The following BGLAP variants were observed in gnomAD, a reference collection of about 807,000 sequenced individuals.
BGLAP encodes the protein bone gamma-carboxyglutamate protein.
A neutral mutation model predicts 13.7 loss-of-function variants in BGLAP; 15 were observed. The ratio of observed to expected loss-of-function variants is 1.09; its 90% CI spans 0.73 to 1.68. The LOEUF is 1.68. Among genes scored for constraint, BGLAP ranks in the 40% most tolerant of loss-of-function variants. The probability of loss-of-function intolerance (pLI) is 0.00; values close to 1 mark genes in which losing one functional copy is unlikely to be tolerated. For missense variants in BGLAP, 120 were observed against 134.3 expected (o/e 0.89, Z 0.53); for synonymous variants, 67 against 56.2 (o/e 1.19, Z -0.86).
Position 156,242,298 on chromosome 1 carries a change from G to A in BGLAP, c.64+3G>A. 1.2e-6 allele frequency: 2 copies of A among 1,612,544 alleles called. No homozygotes were observed. The highest frequency in any genetic ancestry group is 1.7e-6 in the Non-Finnish European group (2 of 1,179,652). On this transcript the variant is annotated splice_donor_region_variant and intron_variant, in intron 1 of 3. Transcript: ENST00000368272. ...ACTTTGCATCGCTGGCCAGGCAGGT[G>A]AGTGCCCCCACCTCCCCTCAGGCCG...
At chr1:156,242,383 C>T in intron 1 of BGLAP, 88 bp downstream of exon 1, 1 of 1,552,414 alleles carries the variant, frequency 6.4e-7, no homozygotes, top group East Asian at 2.4e-5. Context: ...ACCCCTTTGG[C>T]TGGCAGTCCC....
Position 156,242,566 on chromosome 1 carries a change from C to A in BGLAP, c.78C>A (p.Ser26Arg), listed in dbSNP as rs1251034119. 6.4e-7 allele frequency: 1 copy of A among 1,552,878 alleles called. No homozygotes were observed. Reference sequence around the variant, plus strand: ...TTTCCTTTGCAGGTGCGAAGCCCAGCGGTGCAGAGTCCAGCAAAGGTGCAG... The same window carrying A: ...TTTCCTTTGCAGGTGCGAAGCCCAGAGGTGCAGAGTCCAGCAAAGGTGCAG... ...CIAGQAGAKP[S>R]GAESSKGAAF... The change falls in exon 2 of 4, where the codon AGC (serine) becomes AGA (arginine). Residue 26 changes from serine (S) to arginine (R), a missense_variant. Transcript: ENST00000368272.
Position 156,243,174 on chromosome 1 carries a change from G to C in BGLAP, c.*12G>C. 1.9e-6 allele frequency: 3 copies of C among 1,613,026 alleles called. No individual in the cohort carries two copies. Among genetic ancestry groups the C allele is most frequent in the Non-Finnish European group, 2.5e-6 (3 of 1,179,910 alleles). On this transcript the variant is annotated 3_prime_UTR_variant, in exon 4 of 4. Coordinates refer to ENST00000368272, the MANE Select transcript of BGLAP (RefSeq NM_199173.6). ...ACGGCCCGGTCTAGGGTGTCGCTCT[G>C]CTGGCCTGGCCGGCAACCCCAGTTC...
In BGLAP at chr1:156,243,269, T is replaced by C. The variant is rs375848902; in HGVS notation, c.*107T>C. 3.2e-6 allele frequency: 5 copies of C among 1,539,448 alleles called. No homozygotes were observed. In the Admixed American group the frequency reaches 9.0e-5, roughly 28 times the overall value. On this transcript the variant is annotated 3_prime_UTR_variant, in exon 4 of 4. Transcript: ENST00000368272. Reference sequence around the variant, plus strand: ...CCCTGACCTCCCAGCCCTATGGATGTGGGGTCCCCATCATCCCAGCTGCTC... The same window carrying C: ...CCCTGACCTCCCAGCCCTATGGATGCGGGGTCCCCATCATCCCAGCTGCTC...
intron 1 of BGLAP, 56 bp from the exon 2 acceptor site, chr1:156,242,494 AAGG>A (rs1659489708): frequency 1.3e-6 from 2 of 1,551,262 alleles, no homozygotes; most frequent in East Asian, 4.9e-5. Context: ...GACGCAGGGG[AAGG>A]AGGATGAGGG....
chr1:156,242,621 A>G, intron 2 of BGLAP, 30 bp downstream of exon 2: 2 of 1,573,986 alleles, frequency 1.3e-6, no homozygotes, highest in South Asian at 2.3e-5. Context: ...GGGTTCCTGG[A>G]CCCTCCCCTC....
chr1:156,242,294 A>G lies in BGLAP; in HGVS notation c.63A>G (p.Ala21=), dbSNP rs1480910647. 1 of 1,612,578 alleles carries G rather than the reference A, an allele frequency of 6.2e-7. No individual in the cohort carries two copies. Among genetic ancestry groups the G allele is most frequent in the Non-Finnish European group, 8.5e-7 (1 of 1,179,678 alleles). ...ALAALCIAGQ[A]GAKPSGAESS... ...CCGCACTTTGCATCGCTGGCCAGGC[A>G]GGTGAGTGCCCCCACCTCCCCTCAG... is the stretch of plus-strand genomic sequence containing the variant. The change falls in exon 1 of 4, where the codon GCA becomes GCG. Residue 21 remains alanine, a splice_region_variant and synonymous_variant. Coordinates refer to ENST00000368272, the MANE Select transcript of BGLAP (RefSeq NM_199173.6).
rs1480167030 is a variant in BGLAP at position 156,242,315 on chromosome 1, C to A, written c.64+20C>A. 6.2e-7 allele frequency: 1 copy of A among 1,610,888 alleles called. No homozygotes were observed. The highest frequency in any genetic ancestry group is 1.7e-5 in the Admixed American group (1 of 59,802). ...AGGCAGGTGAGTGCCCCCACCTCCC[C>A]TCAGGCCGCATTGCAGTGGGGGCTG... On this transcript the variant is annotated intron_variant, in intron 1 of 3. Coordinates refer to ENST00000368272, the MANE Select transcript of BGLAP (RefSeq NM_199173.6).
Position 156,242,268 on chromosome 1 carries a change from G to A in BGLAP, c.37G>A (p.Ala13Thr), listed in dbSNP as rs1378271586. The change falls in exon 1 of 4, where the codon GCC becomes ACC. Residue 13 changes from alanine (A) to threonine (T), a missense_variant. Ala to Thr is a moderately conservative substitution (Grantham distance 58, BLOSUM62 0). Transcript: ENST00000368272. ...ALTLLALLAL[A>T]ALCIAGQAGA... ...CACACTCCTCGCCCTATTGGCCCTG[G>A]CCGCACTTTGCATCGCTGGCCAGGC... The A allele has an allele frequency of 4.3e-6, 7 of 1,613,376 alleles. No homozygotes were observed.
In BGLAP at chr1:156,242,226, G is replaced by T; in HGVS notation, c.-6G>T. 1 of 1,612,840 alleles carries T rather than the reference G, an allele frequency of 6.2e-7. No homozygotes were observed. On this transcript the variant is annotated 5_prime_UTR_variant, in exon 1 of 4. Transcript: ENST00000368272. ...AGCAGCAGCCCAGCGCAGCCACCGA[G>T]ACACCATGAGAGCCCTCACACTCCT...
Position 156,242,827 on chromosome 1 carries a change from C to T in BGLAP, c.169C>T (p.Leu57=). The change falls in exon 3 of 4, where the codon CTG becomes TTG. Residue 57 remains leucine, a synonymous_variant. Coordinates refer to ENST00000368272, the MANE Select transcript of BGLAP (RefSeq NM_199173.6). ...ACCCAGGCGCTACCTGTATCAATGG[C>T]TGGGGTGAGAGAAAAGGCAGAGCTG... The part of the protein sequence containing the change: ...KRPRRYLYQW[L]GAPVPYPDPL... The T allele has an allele frequency of 6.3e-7, 1 of 1,595,296 alleles. No homozygotes were observed. The highest frequency in any genetic ancestry group is 1.1e-5 in the South Asian group (1 of 88,588).
At chr1:156,242,947 G>A in intron 3 of BGLAP, 86 bp from the exon 4 acceptor site, 5 of 1,595,004 alleles carry the variant, frequency 3.1e-6, no homozygotes, top group Non-Finnish European at 4.3e-6. Context: ...AGCCTGCCCT[G>A]GTGGGCACCC....
chr1:156,242,332 T>TG, intron 1 of BGLAP, 37 bp downstream of exon 1: 1 of 1,606,882 alleles, frequency 6.2e-7, no homozygotes. Flanking sequence ...CGCATTGCAG[T>TG]GGGGGCTGAG....
intron 3 of BGLAP, 90 bp from the exon 4 acceptor site, chr1:156,242,942 GC>G (rs1659547840): frequency 1.3e-6 from 2 of 1,590,332 alleles, no homozygotes; most frequent in Admixed American, 1.7e-5. Flanking sequence ...CAGGCAGCCT[GC>G]CCTGGTGGGC....
At position 156,242,233 on chromosome 1, in the gene BGLAP, TGAG is replaced by T; in HGVS notation, c.3_5del (p.MetArg1_?2). 6.2e-7 allele frequency: 1 copy of T among 1,612,040 alleles called. No individual in the cohort carries two copies. Among genetic ancestry groups the T allele is most frequent in the Admixed American group, 1.7e-5 (1 of 59,910 alleles). On this transcript the variant is annotated start_lost and inframe_deletion, in exon 1 of 4. Transcript: ENST00000368272. ...GCCCAGCGCAGCCACCGAGACACCA[TGAG>T]AGCCCTCACACTCCTCGCCCTATTG...
In BGLAP at chr1:156,243,299, A is replaced by C; in HGVS notation, c.*137A>C. ...TCCCCATCATCCCAGCTGCTCCCAA[A>C]TAAACTCCAGAAGAGGAATCTGTGG... On this transcript the variant is annotated 3_prime_UTR_variant, in exon 4 of 4. Transcript: ENST00000368272. 2.8e-6 allele frequency: 4 copies of C among 1,408,912 alleles called. No individual in the cohort carries two copies. Among genetic ancestry groups the C allele is most frequent in the Non-Finnish European group, 3.8e-6 (4 of 1,043,302 alleles). 87.3% of individuals were successfully genotyped at this position (1,408,912 alleles called of 1,614,324 possible).
In BGLAP at chr1:156,242,591, G is replaced by C. The variant is rs1486996443; in HGVS notation, c.103G>C (p.Ala35Pro). 6.4e-7 allele frequency: 1 copy of C among 1,557,418 alleles called. No individual in the cohort carries two copies. The highest frequency in any genetic ancestry group is 1.4e-5 in the African/African-American group (1 of 73,264). ...PSGAESSKGA[A>P]FVSKQEGSEV... is the part of the protein sequence containing the mutation. ...CGGTGCAGAGTCCAGCAAAGGTGCA[G>C]GTATGAGGATGGACCTGATGGGTTC... The change falls in exon 2 of 4, where the codon GCC (alanine) becomes CCC (proline). Residue 35 changes from alanine (A) to proline (P), a missense_variant and splice_region_variant. By Grantham distance (27) the Ala-to-Pro change is conservative. Transcript: ENST00000368272.
At position 156,243,024 on chromosome 1, in the gene BGLAP, G is replaced by T; in HGVS notation, c.174-9G>T. The T allele has an allele frequency of 6.2e-7, 1 of 1,614,036 alleles. No individual in the cohort carries two copies. Among genetic ancestry groups the T allele is most frequent in the Non-Finnish European group, 8.5e-7 (1 of 1,179,980 alleles). On this transcript the variant is annotated splice_polypyrimidine_tract_variant and intron_variant, in intron 3 of 3. Coordinates refer to ENST00000368272, the MANE Select transcript of BGLAP (RefSeq NM_199173.6). ...ACGGGGGCTGATGCCACCACGTCGG[G>T]TGTCTCAGAGCCCCAGTCCCCTACC...
At chr1:156,242,725 C>T in intron 2 of BGLAP, 37 bp from the exon 3 acceptor site, 1 of 1,594,606 alleles carries the variant, frequency 6.3e-7, no homozygotes, top group East Asian at 2.2e-5. Flanking sequence ...TCCTCCCAAA[C>T]CCAGAGCCAC....
Sources: gnomAD v4.1 joint callset for allele counts on GRCh38, gnomAD v4.1.1 for gene constraint, MANE v1.5 for transcripts, NCBI Gene and HGNC (gene_info 2026-07-23, HGNC 2026-07-21) for gene names.